The following GRXCR1 variants were observed in gnomAD, a reference collection of about 807,000 sequenced individuals.
GRXCR1 encodes glutaredoxin and cysteine rich domain containing 1.
A neutral mutation model predicts 27.3 loss-of-function variants in GRXCR1; 27 were observed. That is an observed-to-expected ratio of 0.99 (90% confidence interval 0.73 to 1.37). GRXCR1 has a LOEUF of 1.37. GRXCR1 is among the 40% of genes most tolerant of loss of function. The pLI, the probability that GRXCR1 is intolerant of heterozygous loss-of-function variation, is 0.00. For missense variants in GRXCR1, 379 were observed against 354.4 expected (o/e 1.07, Z -0.56); for synonymous variants, 122 against 131.1 (o/e 0.93, Z 0.47).
At chr4:42,940,870 G>A (rs1747601513) in intron 1 of GRXCR1, among the ~76,000 whole-genome samples, 1 of 151,862 alleles carries the variant, frequency 6.6e-6, no homozygotes, top group African/African-American at 2.4e-5. Flanking sequence ...ACTTTTAGTG[G>A]AATAGAACAT....
chr4:42,918,231 G>T (rs1371945899), intron 1 of GRXCR1, among the ~76,000 whole-genome samples: 1 of 151,962 alleles, frequency 6.6e-6, no homozygotes, highest in Non-Finnish European at 1.5e-5. Context: ...AGAGCAAAAG[G>T]AGGCAAACTC....
At chr4:42,992,678 C>T (rs961068392) in intron 2 of GRXCR1, among the ~76,000 whole-genome samples, 7 of 151,942 alleles carry the variant, frequency 4.6e-5, no homozygotes, top group Admixed American at 2.6e-4. Flanking sequence ...TAGCTTGATC[C>T]AAGCATACGA....
intron 1 of GRXCR1, among the ~76,000 whole-genome samples, chr4:42,935,009 G>A (rs560839392): frequency 6.6e-6 from 1 of 152,062 alleles, no homozygotes; most frequent in East Asian, 1.9e-4. Context: ...TTCTGGTGAG[G>A]ACAGAAAGTT....
intron 2 of GRXCR1, among the ~76,000 whole-genome samples, chr4:42,988,156 C>T (rs934269451): frequency 6.6e-6 from 1 of 152,070 alleles, no homozygotes; most frequent in Non-Finnish European, 1.5e-5. Flanking sequence ...AGAGTGCTAC[C>T]TTGGCAGCAA....
intron 1 of GRXCR1, among the ~76,000 whole-genome samples, chr4:42,917,075 A>G (rs1354559559): frequency 1.3e-5 from 2 of 152,146 alleles, no homozygotes; most frequent in Non-Finnish European, 2.9e-5. Context: ...TTCCCCCTTA[A>G]AAAGAAGACT....
chr4:42,934,371 A>G (rs1398539469), intron 1 of GRXCR1, among the ~76,000 whole-genome samples: 2 of 151,762 alleles, frequency 1.3e-5, no homozygotes, highest in African/African-American at 2.4e-5. Context: ...ATAAGAAAAT[A>G]GAAATTCAGT....
At chr4:42,913,090 T>C (rs544546148) in intron 1 of GRXCR1, among the ~76,000 whole-genome samples, 19 of 152,328 alleles carry the variant, frequency 1.2e-4, no homozygotes, top group Non-Finnish European at 2.2e-4. Flanking sequence ...CAATTAAACC[T>C]GTTTTCTTTA....
At chr4:42,904,955 T>G (rs968228048) in intron 1 of GRXCR1, among the ~76,000 whole-genome samples, 2 of 152,140 alleles carry the variant, frequency 1.3e-5, no homozygotes, top group African/African-American at 4.8e-5. Flanking sequence ...CAGATAACAT[T>G]TTTAAAATTA....
chr4:43,006,441 C>T (rs1712561095), intron 2 of GRXCR1, among the ~76,000 whole-genome samples: 1 of 152,206 alleles, frequency 6.6e-6, no homozygotes, highest in South Asian at 2.1e-4. Flanking sequence ...AAAGAGAATA[C>T]ATGCCTGGAG....
At chr4:43,022,082 A>G (rs916074062) in intron 3 of GRXCR1, among the ~76,000 whole-genome samples, 1 of 152,150 alleles carries the variant, frequency 6.6e-6, no homozygotes, top group African/African-American at 2.4e-5. Flanking sequence ...TACTACCCCA[A>G]TCCTGTGAAG....
intron 1 of GRXCR1, among the ~76,000 whole-genome samples, chr4:42,948,560 A>T (rs1274220660): frequency 1.3e-5 from 2 of 152,136 alleles, no homozygotes; most frequent in East Asian, 3.9e-4. Context: ...CTTGGTATTT[A>T]AAATCCATCT....
chr4:42,946,981 A>C (rs1157819768), intron 1 of GRXCR1, among the ~76,000 whole-genome samples: 1 of 152,126 alleles, frequency 6.6e-6, no homozygotes, highest in Admixed American at 6.6e-5. Flanking sequence ...GGCAGCGCAC[A>C]ACCCACCGAA....
In GRXCR1 at chr4:42,939,709, A is replaced by G. The variant is rs367778362; in HGVS notation, c.385-23183A>G. On this transcript the variant is annotated intron_variant, in intron 1 of 3. Coordinates refer to ENST00000399770, the MANE Select transcript of GRXCR1 (RefSeq NM_001080476.3). ...TTTCCTTCAGTTACAATTCTTTATTATTGTACTGGAGTCCAGATAGTATGG... is the reference window on the plus strand; with the variant it reads ...TTTCCTTCAGTTACAATTCTTTATTGTTGTACTGGAGTCCAGATAGTATGG... 4.5e-4 allele frequency among the ~76,000 whole-genome samples: 69 copies of G among 152,148 alleles called. 2 individuals carry two copies. In the South Asian group the frequency reaches 0.01, roughly 23 times the overall value.
chr4:42,981,757 C>T (rs1053633073), intron 2 of GRXCR1, among the ~76,000 whole-genome samples: 2 of 152,152 alleles, frequency 1.3e-5, no homozygotes, highest in Non-Finnish European at 2.9e-5. Flanking sequence ...ATCATCCCCA[C>T]TCTCTCCTTG....
chr4:42,969,159 A>G (rs1310551864), intron 2 of GRXCR1, among the ~76,000 whole-genome samples: 1 of 152,202 alleles, frequency 6.6e-6, no homozygotes, highest in Non-Finnish European at 1.5e-5. Context: ...AACTAGTGTC[A>G]TAAACCATTA....
intron 2 of GRXCR1, among the ~76,000 whole-genome samples, chr4:42,982,231 G>T (rs969868608): frequency 8.4e-6 from 1 of 118,724 alleles, no homozygotes; most frequent in Non-Finnish European, 1.6e-5. Flanking sequence ...ACAGTCCCCA[G>T]AGTGTGATAT....
rs115166966 is a variant in GRXCR1, at chr4:43,021,024, A to G, written c.693+605A>G. Among the ~76,000 whole-genome samples the G allele has an allele frequency of 5.9e-3, 905 of 152,294 alleles. 14 individuals are homozygous for G. Among genetic ancestry groups the G allele is most frequent in the African/African-American group, 0.018 (751 of 41,554 alleles). ...GTCCTGAATGGGACACTTTGAGAGT[A>G]AAAAGTATGCGTTAGTAATTGTTCT... On this transcript the variant is annotated intron_variant, in intron 3 of 3. Coordinates refer to ENST00000399770, the MANE Select transcript of GRXCR1 (RefSeq NM_001080476.3).
intron 1 of GRXCR1, among the ~76,000 whole-genome samples, chr4:42,948,528 C>G (rs1284403521): frequency 6.6e-6 from 1 of 152,052 alleles, no homozygotes; most frequent in East Asian, 1.9e-4. Context: ...GTCCAATAAG[C>G]CCTTTAGTCT....
At chr4:43,025,671 C>G (rs778145434) in intron 3 of GRXCR1, among the ~76,000 whole-genome samples, 7 of 152,178 alleles carry the variant, frequency 4.6e-5, no homozygotes, top group Non-Finnish European at 1.0e-4. Context: ...AGCAGTCAAT[C>G]TCTTCATTGA....
Sources: gnomAD v4.1 joint callset for allele counts (sites outside exome capture counted in the v4.1 genomes callset) on GRCh38, gnomAD v4.1.1 for gene constraint, MANE v1.5 for transcripts, NCBI Gene and HGNC (gene_info 2026-07-23, HGNC 2026-07-21) for gene names.